USP53: variants seen among roughly 807,000 people sequenced by gnomAD.
USP53 encodes the protein ubiquitin specific peptidase 53, also known as ubiquitin carboxyl-terminal hydrolase 53.
A neutral mutation model predicts 94.9 loss-of-function variants in USP53; 71 were observed. That is an observed-to-expected ratio of 0.75 (90% CI 0.62 to 0.91). The LOEUF is 0.91. USP53 is among the 40% of genes least tolerant of loss of function. The probability of loss-of-function intolerance (pLI) is 0.00; values close to 1 mark genes in which losing one functional copy is unlikely to be tolerated. For missense variants in USP53, 1,173 were observed against 1,281.0 expected (o/e 0.92, Z 1.29); for synonymous variants, 375 against 422.7 (o/e 0.89, Z 1.39).
chr4:119,262,005 T>C, intron 12 of USP53, 141 bp downstream of exon 12: 2 of 818,338 alleles, frequency 2.4e-6, no homozygotes, highest in Non-Finnish European at 3.3e-6. Flanking sequence ...ATAGCATCAG[T>C]AAGTTCAAAC....
Position 119,273,666 on chromosome 4 carries a change from C to A in USP53, c.2209C>A (p.Arg737Ser). The A allele has an allele frequency of 1.2e-6, 2 of 1,612,326 alleles. No individual in the cohort carries two copies. The highest frequency in any genetic ancestry group is 1.7e-6 in the Non-Finnish European group (2 of 1,179,126). ...QITTSNLNKE[R>S]GDCTSLQSQH... is the part of the protein sequence containing the mutation. Reference sequence around the variant, plus strand: ...TACGACAAGCAACCTAAATAAAGAACGTGGGGACTGTACCTCCCTTCAGAG... The same window carrying A: ...TACGACAAGCAACCTAAATAAAGAAAGTGGGGACTGTACCTCCCTTCAGAG... The change falls in exon 17 of 19, where the codon CGT becomes AGT. Residue 737 changes from arginine (R) to serine (S), a missense_variant. Arg to Ser is a moderately radical substitution (Grantham distance 110). Coordinates refer to ENST00000692078, the MANE Select transcript of USP53 (RefSeq NM_001371395.1).
Position 119,259,932 on chromosome 4 carries a change from A to G in USP53, c.675+7A>G. The G allele has an allele frequency of 6.3e-7, 1 of 1,595,374 alleles. No homozygotes were observed. Among genetic ancestry groups the G allele is most frequent in the Non-Finnish European group, 8.6e-7 (1 of 1,169,520 alleles). On this transcript the variant is annotated splice_region_variant and intron_variant, in intron 10 of 18. Transcript: ENST00000692078. Reference sequence around the variant, plus strand: ...TGACTATAGGAAATGTCCTGTAAGTATAGTTTGGAGAATATTAGTATGCTT... The same window carrying G: ...TGACTATAGGAAATGTCCTGTAAGTGTAGTTTGGAGAATATTAGTATGCTT...
In USP53 at chr4:119,217,461, G is replaced by A. The variant is rs1436264206; in HGVS notation, c.-788-89G>A. 2.6e-5 allele frequency: 4 copies of A among 152,130 alleles called. No individual in the cohort carries two copies. The East Asian group carries it at 7.7e-4, about 29-fold the overall frequency. 9.4% of individuals were successfully genotyped at this position (152,130 alleles called of 1,614,324 possible). A position where few individuals can be genotyped will look rare whatever the true frequency, so the allele number is the denominator to read the frequency against. ...TTAGGAACACTGTTTTTTCCAAAGGGTTTGTTGTTTGAGATTTTACTTTGT... is the reference window on the plus strand; with the variant it reads ...TTAGGAACACTGTTTTTTCCAAAGGATTTGTTGTTTGAGATTTTACTTTGT... On this transcript the variant is annotated intron_variant, in intron 2 of 18. Transcript: ENST00000692078.
chr4:119,246,714 C>T (rs148898421), intron 6 of USP53, among the ~76,000 whole-genome samples: 42 of 152,248 alleles, frequency 2.8e-4, no homozygotes, highest in African/African-American at 9.9e-4. Flanking sequence ...AAGAGTGATA[C>T]AGTCTGTTTT....
rs1754855030 is a variant in USP53, at chr4:119,292,359, T to C, written c.2370T>C (p.Asn790=). Residue 790 remains asparagine, a synonymous_variant, in exon 19 of 19, where the codon AAT becomes AAC. Coordinates refer to ENST00000692078, the MANE Select transcript of USP53 (RefSeq NM_001371395.1). ...TCAGATCACATGTACATGAAGACAATGGAAAGTTATTTCCTTCATCCAGTC... is the reference window on the plus strand; with the variant it reads ...TCAGATCACATGTACATGAAGACAACGGAAAGTTATTTCCTTCATCCAGTC... ...LIKRSHVHED[N]GKLFPSSSLQ... is the part of the protein sequence containing the mutation. 1.2e-6 allele frequency: 2 copies of C among 1,603,814 alleles called. No individual in the cohort carries two copies.
intron 17 of USP53, among the ~76,000 whole-genome samples, chr4:119,274,135 A>G (rs1752250183): frequency 6.7e-6 from 1 of 149,278 alleles, no homozygotes; most frequent in African/African-American, 2.5e-5. Context: ...TTTAGGGTAC[A>G]TGTGCACATT....
chr4:119,223,484 T>G (rs897973945), intron 3 of USP53, among the ~76,000 whole-genome samples: 1 of 152,212 alleles, frequency 6.6e-6, no homozygotes, highest in Non-Finnish European at 1.5e-5. Context: ...TATCCCAATT[T>G]GAAGATCGCT....
intron 17 of USP53, among the ~76,000 whole-genome samples, chr4:119,280,124 C>T (rs1290348414): frequency 1.3e-5 from 2 of 152,162 alleles, no homozygotes; most frequent in Non-Finnish European, 2.9e-5. Flanking sequence ...TTGGCTCCTC[C>T]CCCGTTTGCA....
intron 5 of USP53, among the ~76,000 whole-genome samples, chr4:119,244,851 A>G (rs1186571632): frequency 6.6e-6 from 1 of 152,124 alleles, no homozygotes; most frequent in African/African-American, 2.4e-5. Context: ...TTCTTGTTCC[A>G]TGTACAGTGA....
chr4:119,280,684 T>A (rs1032684163), intron 17 of USP53, among the ~76,000 whole-genome samples: 1 of 152,208 alleles, frequency 6.6e-6, no homozygotes, highest in Non-Finnish European at 1.5e-5. Context: ...GGTTTTAGAT[T>A]ATGCAATGGT....
At chr4:119,249,318 A>C (rs1511015) in intron 7 of USP53, among the ~76,000 whole-genome samples, 43,887 of 151,990 alleles carry the variant, frequency 0.29, 6,505 homozygotes, top group East Asian at 0.38. Flanking sequence ...AGCCTGTTAC[A>C]CACATTCCAG....
chr4:119,269,626 T>A, intron 14 of USP53, 65 bp from the exon 15 acceptor site: 1 of 1,144,028 alleles, frequency 8.7e-7, no homozygotes, highest in South Asian at 3.4e-5. Flanking sequence ...TATAGATCAA[T>A]TTTTATTTTT....
At chr4:119,235,978 T>A (rs746666598) in intron 4 of USP53, among the ~76,000 whole-genome samples, 1 of 152,240 alleles carries the variant, frequency 6.6e-6, no homozygotes, top group African/African-American at 2.4e-5. Flanking sequence ...TAAGGTATTG[T>A]CTGCCTTTCG....
chr4:119,213,551 T>C (rs1250350742), intron 1 of USP53, among the ~76,000 whole-genome samples: 1 of 151,554 alleles, frequency 6.6e-6, no homozygotes, highest in Non-Finnish European at 1.5e-5. Flanking sequence ...TTTGTAACCC[T>C]GCTACAAGGT....
chr4:119,288,845 G>A (rs757522833), intron 17 of USP53, among the ~76,000 whole-genome samples: 1 of 151,244 alleles, frequency 6.6e-6, no homozygotes, highest in Non-Finnish European at 1.5e-5. Flanking sequence ...GGCTGAGGCA[G>A]GACAATTGCT....
In USP53 at chr4:119,260,592, A is replaced by T; in HGVS notation, c.761A>T (p.Glu254Val). 1.2e-6 allele frequency: 2 copies of T among 1,613,970 alleles called. No homozygotes were observed. Among genetic ancestry groups the T allele is most frequent in the Non-Finnish European group, 1.7e-6 (2 of 1,179,884 alleles). The change falls in exon 11 of 19, where the codon GAG becomes GTG. Residue 254 changes from glutamate (E) to valine (V), a missense_variant. Glu to Val is a moderately radical substitution (Grantham distance 121). Coordinates refer to ENST00000692078, the MANE Select transcript of USP53 (RefSeq NM_001371395.1). The stretch of plus-strand genomic sequence containing the variant: ...ACAATTGGTTTAGTCTGGGACTCCG[A>T]GCATTCTGACTTGACCGAAGCTGTT... ...IVTIGLVWDS[E>V]HSDLTEAVVR...
chr4:119,231,254 C>T (rs1746036260), intron 3 of USP53, among the ~76,000 whole-genome samples: 1 of 152,110 alleles, frequency 6.6e-6, no homozygotes, highest in South Asian at 2.1e-4. Flanking sequence ...AATTATGTTC[C>T]TACTGATGGA....
intron 4 of USP53, among the ~76,000 whole-genome samples, chr4:119,236,451 C>T (rs1360313759): frequency 2.6e-5 from 4 of 152,196 alleles, no homozygotes; most frequent in Non-Finnish European, 4.4e-5. Context: ...CACATTGACT[C>T]TTCCTTTCAC....
chr4:119,229,883 T>C (rs1745820765), intron 3 of USP53, among the ~76,000 whole-genome samples: 1 of 152,194 alleles, frequency 6.6e-6, no homozygotes, highest in Non-Finnish European at 1.5e-5. Flanking sequence ...TTATGTGACC[T>C]TCAAGACCAG....
Sources: allele counts gnomAD v4.1 joint callset (sites outside exome capture counted in the v4.1 genomes callset), GRCh38; gene constraint gnomAD v4.1.1; transcripts MANE v1.5; gene names NCBI Gene and HGNC (gene_info 2026-07-23, HGNC 2026-07-21).